LEKR1: variants seen among roughly 807,000 people sequenced by gnomAD.
LEKR1 encodes protein LEKR1.
LEKR1 carries 59 observed loss-of-function variants against 72.4 expected under a neutral mutation model. The observed-to-expected ratio is 0.82, with a 90% CI of 0.66 to 1.01. LEKR1 has a LOEUF of 1.01. LEKR1 is among the 50% of genes least tolerant of loss of function. The pLI, the probability that LEKR1 is intolerant of heterozygous loss-of-function variation, is 0.00. For synonymous variants in LEKR1, 257 were observed against 263.2 expected (o/e 0.98, Z 0.23); for missense variants, 728 against 759.2 (o/e 0.96, Z 0.48).
At chr3:156,961,065 CA>C (rs924915530) in intron 6 of LEKR1, among the ~76,000 whole-genome samples, 5 of 152,184 alleles carry the variant, frequency 3.3e-5, no homozygotes, top group African/African-American at 1.2e-4. Context: ...AGACAGAGTT[CA>C]AATAAGTCAC....
At chr3:156,990,553 C>T (rs1326721822) in intron 7 of LEKR1, among the ~76,000 whole-genome samples, 1 of 152,082 alleles carries the variant, frequency 6.6e-6, no homozygotes, top group African/African-American at 2.4e-5. Context: ...CCAGATCATC[C>T]TCCCCATTTA....
chr3:157,007,391 CG>C (rs1206779196), intron 9 of LEKR1, among the ~76,000 whole-genome samples: 1 of 152,112 alleles, frequency 6.6e-6, no homozygotes, highest in Admixed American at 6.6e-5. Flanking sequence ...CTAGGAGCTG[CG>C]GCAAAAATTG....
rs1232742676 is a variant in LEKR1 at position 156,964,422 on chromosome 3, A to G, written c.746-14772A>G. Among the ~76,000 whole-genome samples, 5 of 152,224 alleles carry G rather than the reference A, an allele frequency of 3.3e-5. No homozygotes were observed. The East Asian group carries it at 9.6e-4, about 29-fold the overall frequency. ...TTAAAATATTATGATAAACATCCTC[A>G]TAATTAAATTTTTATATATCTCTGA... On this transcript the variant is annotated intron_variant, in intron 6 of 12. Transcript: ENST00000356539.
chr3:157,003,345 C>A (rs1191449893), intron 9 of LEKR1, among the ~76,000 whole-genome samples: 1 of 152,146 alleles, frequency 6.6e-6, no homozygotes, highest in Non-Finnish European at 1.5e-5. Flanking sequence ...TATAGGAAGA[C>A]CATTGTATTA....
intron 10 of LEKR1, among the ~76,000 whole-genome samples, chr3:157,019,562 T>C (rs1733645252): frequency 6.6e-6 from 1 of 152,204 alleles, no homozygotes; most frequent in Admixed American, 6.5e-5. Context: ...CTTAAGTTAA[T>C]ATTATTCATG....
At chr3:156,984,088 T>C (rs1431985327) in intron 7 of LEKR1, among the ~76,000 whole-genome samples, 2 of 152,194 alleles carry the variant, frequency 1.3e-5, no homozygotes, top group Non-Finnish European at 2.9e-5. Flanking sequence ...TGGCAGGCTA[T>C]TAGGAATTCG....
At chr3:156,866,572 T>G (rs1717332642) in intron 3 of LEKR1, among the ~76,000 whole-genome samples, 2 of 152,108 alleles carry the variant, frequency 1.3e-5, no homozygotes, top group Non-Finnish European at 2.9e-5. Context: ...AACCACTATA[T>G]CGTTAATATA....
intron 5 of LEKR1, among the ~76,000 whole-genome samples, chr3:156,929,759 G>C (rs921168422): frequency 6.6e-6 from 1 of 152,046 alleles, no homozygotes; most frequent in African/African-American, 2.4e-5. Context: ...TCTATTACCT[G>C]GATATGGAAG....
intron 10 of LEKR1, among the ~76,000 whole-genome samples, chr3:157,016,406 A>G (rs1733338314): frequency 3.3e-5 from 5 of 152,144 alleles, no homozygotes; most frequent in Non-Finnish European, 5.9e-5. Context: ...TGCAAGCAAA[A>G]AGATAGTAGG....
chr3:157,010,458 TA>T (rs771301577), intron 9 of LEKR1, among the ~76,000 whole-genome samples: 9 of 152,104 alleles, frequency 5.9e-5, no homozygotes, highest in Non-Finnish European at 1.2e-4. Context: ...TTTTGATGTA[TA>T]AAATTTTTGG....
At chr3:157,019,956 AACTCATC>A (rs1265830875) in intron 10 of LEKR1, among the ~76,000 whole-genome samples, 1 of 152,196 alleles carries the variant, frequency 6.6e-6, no homozygotes, top group Non-Finnish European at 1.5e-5. Context: ...CCCATGTGAA[AACTCATC>A]ACTCTGCTTC....
At position 156,892,975 on chromosome 3, in the gene LEKR1, A is replaced by G. The variant is rs1371153477; in HGVS notation, c.264-27600A>G. ...AACTTTCAAAAGATCGTTATCTGGC[A>G]TGTTTCTCAATAGAGCCCTTTGTGG... On this transcript the variant is annotated intron_variant, in intron 3 of 12. Coordinates refer to ENST00000356539, the MANE Select transcript of LEKR1 (RefSeq NM_001004316.3). Among the ~76,000 whole-genome samples the G allele has an allele frequency of 2.6e-5, 4 of 152,208 alleles. No homozygotes were observed. The East Asian group carries it at 7.7e-4, about 29-fold the overall frequency.
At chr3:156,990,656 T>C (rs1161383287) in intron 7 of LEKR1, among the ~76,000 whole-genome samples, 1 of 152,218 alleles carries the variant, frequency 6.6e-6, no homozygotes, top group Non-Finnish European at 1.5e-5. Context: ...TTTTAATGGC[T>C]TATAATTTAT....
intron 2 of LEKR1, among the ~76,000 whole-genome samples, chr3:156,831,964 T>C (rs374984245): frequency 4.6e-5 from 7 of 152,326 alleles, no homozygotes; most frequent in African/African-American, 1.7e-4. Flanking sequence ...CATACCTTAT[T>C]TTTAATCTGT....
Position 156,899,264 on chromosome 3 carries a change from A to G in LEKR1, c.264-21311A>G, listed in dbSNP as rs937545659. 1.3e-4 allele frequency among the ~76,000 whole-genome samples: 19 copies of G among 147,426 alleles called. 1 individual carries two copies. Among genetic ancestry groups the G allele is most frequent in the Non-Finnish European group, 2.7e-4 (18 of 67,062 alleles). On this transcript the variant is annotated intron_variant, in intron 3 of 12. Transcript: ENST00000356539. ...TATACATATATATACATATATATAT[A>G]TACACACATGTATATATATACATGT...
intron 2 of LEKR1, among the ~76,000 whole-genome samples, chr3:156,846,477 T>G (rs1215724889): frequency 6.6e-6 from 1 of 152,036 alleles, no homozygotes; most frequent in Non-Finnish European, 1.5e-5. Context: ...TGCCCTTTAC[T>G]AAATTGATTT....
intron 3 of LEKR1, among the ~76,000 whole-genome samples, chr3:156,920,016 A>G (rs1402264334): frequency 1.3e-5 from 2 of 151,972 alleles, no homozygotes; most frequent in Non-Finnish European, 2.9e-5. Context: ...CTCTCTCATC[A>G]CGTGATCCCT....
chr3:156,857,920 G>A (rs1030590949), intron 3 of LEKR1, among the ~76,000 whole-genome samples: 3 of 152,202 alleles, frequency 2.0e-5, no homozygotes, highest in Admixed American at 1.3e-4. Context: ...GTGTGCACCA[G>A]ACATCTTAAA....
chr3:156,977,921 A>G (rs1392901576), intron 6 of LEKR1: 2 of 157,586 alleles, frequency 1.3e-5, no homozygotes, highest in African/African-American at 2.4e-5. Context: ...TGTACATTTT[A>G]ATTTTGATTC....
Sources: allele counts gnomAD v4.1 joint callset (sites outside exome capture counted in the v4.1 genomes callset), GRCh38; gene constraint gnomAD v4.1.1; transcripts MANE v1.5; gene names NCBI Gene and HGNC (gene_info 2026-07-23, HGNC 2026-07-21).